Variants in ADAMTS6 observed in about 807,000 individuals in gnomAD.
ADAMTS6 encodes ADAM metallopeptidase with thrombospondin type 1 motif 6.
ADAMTS6 carries 23 observed loss-of-function variants against 144.3 expected under a neutral mutation model. The ratio of observed to expected loss-of-function variants is 0.16; its 90% confidence interval spans 0.11 to 0.23. ADAMTS6 has a LOEUF of 0.23. Ranked by LOEUF, ADAMTS6 falls within the 10% of genes least tolerant of loss-of-function variation. The probability of loss-of-function intolerance (pLI) is 1.00; values close to 1 mark genes in which losing one functional copy is unlikely to be tolerated. For missense variants in ADAMTS6, 999 were observed against 1,379.6 expected (o/e 0.72, Z 4.37); for synonymous variants, 444 against 457.5 (o/e 0.97, Z 0.38).
At chr5:65,249,717 A>T (rs1190180544) in intron 14 of ADAMTS6, among the ~76,000 whole-genome samples, 2 of 152,220 alleles carry the variant, frequency 1.3e-5, no homozygotes, top group East Asian at 3.8e-4. Flanking sequence ...TCTACCAGTA[A>T]CATATATAAA....
At chr5:65,314,719 T>A (rs1021678247) in intron 9 of ADAMTS6, among the ~76,000 whole-genome samples, 2 of 152,132 alleles carry the variant, frequency 1.3e-5, no homozygotes, top group African/African-American at 4.8e-5. Flanking sequence ...TCAGAAACCA[T>A]GTAAATTCTG....
intron 21 of ADAMTS6, among the ~76,000 whole-genome samples, chr5:65,192,229 C>G (rs1755060097): frequency 7.7e-6 from 1 of 130,554 alleles, no homozygotes; most frequent in Non-Finnish European, 1.8e-5. Context: ...AGCACTTTTG[C>G]TTATAACTCT....
intron 4 of ADAMTS6, among the ~76,000 whole-genome samples, chr5:65,453,966 G>A (rs1027858711): frequency 6.6e-6 from 1 of 152,172 alleles, no homozygotes; most frequent in Non-Finnish European, 1.5e-5. Context: ...AATTGCCATT[G>A]AAACAGTATT....
chr5:65,380,322 A>T (rs1247806788), intron 7 of ADAMTS6, among the ~76,000 whole-genome samples: 1 of 152,128 alleles, frequency 6.6e-6, no homozygotes, highest in Non-Finnish European at 1.5e-5. Context: ...TTGTAATCCC[A>T]GCACTTTGGG....
chr5:65,221,781 G>A (rs1225097401), intron 18 of ADAMTS6, among the ~76,000 whole-genome samples: 1 of 152,132 alleles, frequency 6.6e-6, no homozygotes, highest in Non-Finnish European at 1.5e-5. Context: ...GAAGTAATAT[G>A]TGAGTGAACC....
chr5:65,430,666 G>A (rs906044742), intron 7 of ADAMTS6, among the ~76,000 whole-genome samples: 1 of 152,134 alleles, frequency 6.6e-6, no homozygotes, highest in Non-Finnish European at 1.5e-5. Flanking sequence ...TGAACAGACA[G>A]GCAAGGGGGT....
At position 65,379,071 on chromosome 5, in the gene ADAMTS6, T is replaced by C. The variant is rs546621057; in HGVS notation, c.1074-44986A>G. On this transcript the variant is annotated intron_variant, in intron 7 of 24. Transcript: ENST00000381055. ...ATTAGAAATATCTGGAAAACACAGG[T>C]AATCATTTAAAAATAAAGCCAGTCA... Among the ~76,000 whole-genome samples the C allele has an allele frequency of 2.6e-5, 4 of 152,326 alleles. No individual in the cohort carries two copies. The South Asian group carries it at 8.3e-4, about 32-fold the overall frequency.
intron 2 of ADAMTS6, among the ~76,000 whole-genome samples, chr5:65,473,038 G>T: frequency 6.6e-6 from 1 of 152,034 alleles, no homozygotes. Flanking sequence ...TCATTTCTAC[G>T]ATATAAAGCT....
At chr5:65,209,425 A>G (rs1005182215) in intron 20 of ADAMTS6, among the ~76,000 whole-genome samples, 4 of 152,218 alleles carry the variant, frequency 2.6e-5, no homozygotes, top group African/African-American at 7.2e-5. Flanking sequence ...CAGTATCTCA[A>G]AAATCACACA....
chr5:65,351,468 A>C (rs1748835613), intron 7 of ADAMTS6, among the ~76,000 whole-genome samples: 1 of 152,254 alleles, frequency 6.6e-6, no homozygotes, highest in African/African-American at 2.4e-5. Flanking sequence ...GAATCACAAT[A>C]TGTTATAACT....
At chr5:65,277,630 A>AT (rs904047430) in intron 11 of ADAMTS6, among the ~76,000 whole-genome samples, 3 of 151,720 alleles carry the variant, frequency 2.0e-5, no homozygotes, top group Admixed American at 1.3e-4. Context: ...TTAAGTTGTA[A>AT]TTTTTTACTT....
rs141508511 is a variant in ADAMTS6, at chr5:65,349,065, T to G, written c.1074-14980A>C. 6.3e-3 allele frequency among the ~76,000 whole-genome samples: 962 copies of G among 152,214 alleles called. 5 individuals carry two copies. The highest frequency in any genetic ancestry group is 0.039 in the East Asian group (201 of 5,192). On this transcript the variant is annotated intron_variant, in intron 7 of 24. Coordinates refer to ENST00000381055, the MANE Select transcript of ADAMTS6 (RefSeq NM_197941.4). The stretch of plus-strand genomic sequence containing the variant: ...ACCACAACAGCTCTTTGCCTTAAAA[T>G]AAAGTACACAGCTTATTTTGTCTTC...
intron 24 of ADAMTS6, among the ~76,000 whole-genome samples, chr5:65,160,540 G>A (rs889471502): frequency 2.0e-5 from 3 of 152,162 alleles, no homozygotes; most frequent in Non-Finnish European, 4.4e-5. Context: ...TCCTGACCTC[G>A]TGATCTGCCC....
At chr5:65,275,364 A>G (rs1432986025) in intron 11 of ADAMTS6, among the ~76,000 whole-genome samples, 1 of 79,928 alleles carries the variant, frequency 1.3e-5, no homozygotes, top group Non-Finnish European at 2.9e-5. Context: ...AGAAAGAAAG[A>G]AAGAAAGAAA....
chr5:65,168,390 C>T (rs1753352386), intron 24 of ADAMTS6, among the ~76,000 whole-genome samples: 1 of 150,706 alleles, frequency 6.6e-6, no homozygotes, highest in Non-Finnish European at 1.5e-5. Flanking sequence ...AAAGAGGATA[C>T]AAACAAATGG....
intron 11 of ADAMTS6, among the ~76,000 whole-genome samples, chr5:65,289,013 T>C (rs561475398): frequency 2.6e-5 from 4 of 152,314 alleles, no homozygotes; most frequent in African/African-American, 9.6e-5. Flanking sequence ...CAATTATGAC[T>C]CAATACACTT....
intron 14 of ADAMTS6, among the ~76,000 whole-genome samples, chr5:65,244,246 A>C (rs1475129264): frequency 6.6e-6 from 1 of 152,110 alleles, no homozygotes; most frequent in Admixed American, 6.6e-5. Flanking sequence ...TGGTTGGAAA[A>C]AGGCCAAGCT....
chr5:65,214,349 G>A lies in ADAMTS6; in HGVS notation c.2575+445C>T, dbSNP rs1756747053. 2 of 321,052 alleles carry A rather than the reference G, an allele frequency of 6.2e-6. No homozygotes were observed. The highest frequency in any genetic ancestry group is 1.2e-5 in the Non-Finnish European group (2 of 166,276). 19.9% of individuals were successfully genotyped at this position (321,052 alleles called of 1,614,324 possible). A position where few individuals can be genotyped will look rare whatever the true frequency, so the allele number is the denominator to read the frequency against. ...CTTTGATGGCAGGAGAAGGGAGTTT[G>A]AATAGGATTGTGGCAAACACACAGG... On this transcript the variant is annotated intron_variant, in intron 20 of 24. Coordinates refer to ENST00000381055, the MANE Select transcript of ADAMTS6 (RefSeq NM_197941.4). This position sits in a 1 kb window ranked among gnomAD's most constrained non-coding sequence, Gnocchi z 4.6.
intron 14 of ADAMTS6, among the ~76,000 whole-genome samples, chr5:65,244,878 C>T (rs1387250449): frequency 1.3e-5 from 2 of 152,140 alleles, no homozygotes; most frequent in African/African-American, 2.4e-5. Flanking sequence ...GGGTTCTAGA[C>T]TTGGCCCTGT....
Sources: allele counts gnomAD v4.1 joint callset (sites outside exome capture counted in the v4.1 genomes callset), GRCh38; gene constraint gnomAD v4.1.1; non-coding constraint Gnocchi (gnomAD v3.1); transcripts MANE v1.5; gene names NCBI Gene and HGNC (gene_info 2026-07-23, HGNC 2026-07-21).